The following PDZRN4 variants were observed in gnomAD, a reference collection of about 807,000 sequenced individuals.
PDZRN4 encodes the protein PDZ domain containing ring finger 4.
PDZRN4 carries 70 observed loss-of-function variants against 99.0 expected under a neutral mutation model. The observed-to-expected ratio is 0.71, with a 90% CI of 0.58 to 0.86. The LOEUF (loss-of-function observed/expected upper bound fraction) is 0.86. Ranked by LOEUF, PDZRN4 falls within the 40% of genes least tolerant of loss-of-function variation. PDZRN4 has a pLI of 0.00. For synonymous variants in PDZRN4, 551 were observed against 501.6 expected, an observed-to-expected ratio of 1.10 and a Z score of -1.32; for missense variants, 1,474 against 1,331.2, an observed-to-expected ratio of 1.11 and a Z score of -1.67.
At chr12:41,492,218 C>T (rs1219812001) in intron 3 of PDZRN4, among the ~76,000 whole-genome samples, 1 of 151,760 alleles carries the variant, frequency 6.6e-6, no homozygotes, top group African/African-American at 2.4e-5. Flanking sequence ...GAAAACTTAT[C>T]ATCTAAGATT....
rs972711757 is a variant in PDZRN4 at position 41,574,186 on chromosome 12, A to G, written c.*296A>G. On this transcript the variant is annotated 3_prime_UTR_variant, in exon 10 of 10. Coordinates refer to ENST00000402685, the MANE Select transcript of PDZRN4 (RefSeq NM_001164595.2). ...CTTGCACAAAAATACTGAGGAGCCA[A>G]TTAATTTCCTACTTCAATGTATCTA... is the stretch of plus-strand genomic sequence containing the variant. 4 of 214,872 alleles carry G rather than the reference A, an allele frequency of 1.9e-5. No homozygotes were observed. Among genetic ancestry groups the G allele is most frequent in the Non-Finnish European group, 9.1e-6 (1 of 110,040 alleles). The allele number at this position is 214,872 out of a possible 1,614,324, so 13.3% of individuals were successfully genotyped here.
intron 3 of PDZRN4, among the ~76,000 whole-genome samples, chr12:41,371,646 G>C (rs1952042718): frequency 6.6e-6 from 1 of 151,984 alleles, no homozygotes; most frequent in Non-Finnish European, 1.5e-5. Context: ...TAGCTTTTTT[G>C]GTTTTCGCTT....
chr12:41,416,127 G>A (rs1172208308), intron 3 of PDZRN4, among the ~76,000 whole-genome samples: 1 of 152,084 alleles, frequency 6.6e-6, no homozygotes, highest in African/African-American at 2.4e-5. Context: ...TAAACATAGT[G>A]TAAATTGAAA....
chr12:41,545,557 A>C (rs970262387), intron 5 of PDZRN4, among the ~76,000 whole-genome samples: 2 of 141,492 alleles, frequency 1.4e-5, no homozygotes, highest in Non-Finnish European at 3.1e-5. Context: ...GTGTGTGACA[A>C]TGAGAGTGAT....
At chr12:41,512,070 A>C (rs1335726751) in intron 5 of PDZRN4, among the ~76,000 whole-genome samples, 1 of 152,104 alleles carries the variant, frequency 6.6e-6, no homozygotes, top group Non-Finnish European at 1.5e-5. Flanking sequence ...ATGGCCAAGA[A>C]GACTTCAGCT....
At chr12:41,303,827 G>A (rs1163497119) in intron 3 of PDZRN4, among the ~76,000 whole-genome samples, 1 of 152,098 alleles carries the variant, frequency 6.6e-6, no homozygotes, top group Admixed American at 6.6e-5. Context: ...ATACATTAGG[G>A]GGCAGATTCT....
chr12:41,512,025 G>A lies in PDZRN4; in HGVS notation c.1203+2112G>A, dbSNP rs185470219. On this transcript the variant is annotated intron_variant, in intron 5 of 9. Coordinates refer to ENST00000402685, the MANE Select transcript of PDZRN4 (RefSeq NM_001164595.2). ...CACCTTAAGGAAGTACCAGTTTTGT[G>A]CCACTGAGAGAATATCACAGGAAAG... 2.0e-5 allele frequency among the ~76,000 whole-genome samples: 3 copies of A among 152,164 alleles called. No homozygotes were observed. In the East Asian group the frequency reaches 5.8e-4, roughly 29 times the overall value.
intron 3 of PDZRN4, among the ~76,000 whole-genome samples, chr12:41,227,908 CA>C (rs1223209863): frequency 5.3e-4 from 81 of 151,512 alleles, no homozygotes; most frequent in South Asian, 1.0e-3. Flanking sequence ...CACACACACA[CA>C]CACACACACA....
At chr12:41,233,204 T>C (rs1004514647) in intron 3 of PDZRN4, among the ~76,000 whole-genome samples, 6 of 152,102 alleles carry the variant, frequency 3.9e-5, no homozygotes, top group Non-Finnish European at 8.8e-5. Context: ...TCATCACTGG[T>C]CATCAGAGAA....
At chr12:41,325,947 T>C (rs887822180) in intron 3 of PDZRN4, among the ~76,000 whole-genome samples, 3 of 152,132 alleles carry the variant, frequency 2.0e-5, no homozygotes, top group African/African-American at 7.2e-5. Context: ...CAGGGATAAG[T>C]GCTCTTCCAC....
At chr12:41,418,075 A>G (rs1226692749) in intron 3 of PDZRN4, among the ~76,000 whole-genome samples, 1 of 152,066 alleles carries the variant, frequency 6.6e-6, no homozygotes, top group African/African-American at 2.4e-5. Context: ...GCAAAGTAGA[A>G]TTTATGCAGT....
intron 3 of PDZRN4, among the ~76,000 whole-genome samples, chr12:41,392,593 GTCC>G (rs977017969): frequency 1.3e-5 from 2 of 152,142 alleles, no homozygotes; most frequent in Non-Finnish European, 2.9e-5. Context: ...CTTTCAGAAT[GTCC>G]TCCCCTTACT....
At chr12:41,568,002 A>G in intron 9 of PDZRN4, 103 bp downstream of exon 9, 1 of 650,336 alleles carries the variant, frequency 1.5e-6, no homozygotes. Flanking sequence ...GGTTTAATCC[A>G]TCATCTCTAT....
chr12:41,357,236 C>T (rs979601425), intron 3 of PDZRN4, among the ~76,000 whole-genome samples: 3 of 151,716 alleles, frequency 2.0e-5, no homozygotes, highest in South Asian at 2.1e-4. Context: ...TACATGAAGG[C>T]CATGCTCTAG....
intron 3 of PDZRN4, among the ~76,000 whole-genome samples, chr12:41,431,130 G>A (rs1347722419): frequency 1.3e-5 from 2 of 152,076 alleles, no homozygotes; most frequent in Non-Finnish European, 1.5e-5. Flanking sequence ...ATGAGATTTG[G>A]GTGGGGACAC....
At chr12:41,465,171 A>G (rs1298003140) in intron 3 of PDZRN4, among the ~76,000 whole-genome samples, 1 of 152,158 alleles carries the variant, frequency 6.6e-6, no homozygotes, top group Non-Finnish European at 1.5e-5. Flanking sequence ...TGAATAGCCA[A>G]CTGTCATGCC....
At chr12:41,210,079 G>T (rs951282322) in intron 3 of PDZRN4, among the ~76,000 whole-genome samples, 1 of 152,174 alleles carries the variant, frequency 6.6e-6, no homozygotes, top group African/African-American at 2.4e-5. Flanking sequence ...GTTTTGATTT[G>T]CATTTCTCTG....
chr12:41,573,673 G>A lies in PDZRN4; in HGVS notation c.2894G>A (p.Arg965Gln), dbSNP rs1422938315. Reference sequence around the variant, plus strand: ...CGCCGTCGCCGTGAGTTCATGATGCGAAGCAGGTTAGAGTGTCTCAAGGAG... The same window carrying A: ...CGCCGTCGCCGTGAGTTCATGATGCAAAGCAGGTTAGAGTGTCTCAAGGAG... ...EQRRRREFMM[R>Q]SRLECLKESP... Residue 965 changes from arginine (R) to glutamine (Q), a missense_variant, in exon 10 of 10, where the codon CGA becomes CAA. Transcript: ENST00000402685. 7 of 1,613,926 alleles carry A rather than the reference G, an allele frequency of 4.3e-6. No homozygotes were observed. Among genetic ancestry groups the A allele is most frequent in the African/African-American group, 2.7e-5 (2 of 74,900 alleles).
chr12:41,540,224 T>C (rs1456623739), intron 5 of PDZRN4, among the ~76,000 whole-genome samples: 2 of 152,218 alleles, frequency 1.3e-5, no homozygotes, highest in African/African-American at 4.8e-5. Context: ...TTATACACTG[T>C]AGTACTAACC....
Sources: gnomAD v4.1 joint callset for allele counts (sites outside exome capture counted in the v4.1 genomes callset) on GRCh38, gnomAD v4.1.1 for gene constraint, MANE v1.5 for transcripts, NCBI Gene and HGNC (gene_info 2026-07-23, HGNC 2026-07-21) for gene names.